PDE1C: variants seen among roughly 807,000 people sequenced by gnomAD.
The protein encoded by PDE1C is phosphodiesterase 1C.
Under a neutral mutation model 93.1 loss-of-function variants are expected in PDE1C, and 62 were observed. The observed-to-expected ratio is 0.67, with a 90% CI of 0.54 to 0.82. The LOEUF (loss-of-function observed/expected upper bound fraction) is 0.82. Ranked by LOEUF, PDE1C falls within the 40% of genes least tolerant of loss-of-function variation. PDE1C has a pLI of 0.00. For missense variants in PDE1C, 742 were observed against 884.6 expected, an observed-to-expected ratio of 0.84 and a Z score of 2.04; for synonymous variants, 325 against 310.1, an observed-to-expected ratio of 1.05 and a Z score of -0.50.
chr7:32,299,321 A>T, exon 1 of PDE1C: 1 of 985,732 alleles, frequency 1.0e-6, no homozygotes, highest in African/African-American at 1.7e-5. Context: ...TACTCCAAAC[A>T]AGGAAGTCGG....
chr7:31,629,302 T>C, the PDE1C span, among the ~76,000 whole-genome samples: 2 of 152,202 alleles, frequency 1.3e-5, no homozygotes, highest in African/African-American at 4.8e-5. Flanking sequence ...TATAGATTCA[T>C]ATAAATGTTC....
the PDE1C span, among the ~76,000 whole-genome samples, chr7:31,711,811 G>A: frequency 3.9e-5 from 6 of 152,188 alleles, no homozygotes; most frequent in South Asian, 1.2e-3. Context: ...GAGCAAGTGG[G>A]AGCCCTCCTG....
At chr7:32,400,463 T>C (rs991393223) in intron 1 of PDE1C, among the ~76,000 whole-genome samples, 1 of 152,218 alleles carries the variant, frequency 6.6e-6, no homozygotes, top group Non-Finnish European at 1.5e-5. Flanking sequence ...CGGAAAATAC[T>C]GCAGGCTAGA....
intron 1 of PDE1C, among the ~76,000 whole-genome samples, chr7:32,314,052 T>A (rs895967678): frequency 6.6e-6 from 1 of 151,648 alleles, no homozygotes; most frequent in African/African-American, 2.4e-5. Flanking sequence ...AAATGAGAAA[T>A]GAAAAAAATA....
intron 1 of PDE1C, among the ~76,000 whole-genome samples, chr7:32,293,035 G>T (rs775173417): frequency 5.9e-5 from 9 of 152,114 alleles, no homozygotes; most frequent in Non-Finnish European, 1.3e-4. Flanking sequence ...ACAAACCCTG[G>T]GGATCACACC....
chr7:32,426,292 G>C (rs1327881445), intron 1 of PDE1C, among the ~76,000 whole-genome samples: 1 of 114,650 alleles, frequency 8.7e-6, no homozygotes, highest in African/African-American at 3.4e-5. Flanking sequence ...TTTTTTTTTT[G>C]AGATAGGGTC....
intron 2 of PDE1C, among the ~76,000 whole-genome samples, chr7:31,962,607 G>C (rs1039691570): frequency 2.0e-5 from 3 of 152,210 alleles, no homozygotes; most frequent in Non-Finnish European, 4.4e-5. Context: ...AAAATCTAGA[G>C]AAGGCTTCAG....
the PDE1C span, among the ~76,000 whole-genome samples, chr7:31,742,763 A>G: frequency 1.3e-5 from 2 of 152,172 alleles, no homozygotes; most frequent in Non-Finnish European, 2.9e-5. Context: ...TTCTAGTTCT[A>G]TTTTGAACCT....
chr7:32,152,542 A>C (rs1157437144), intron 3 of PDE1C, among the ~76,000 whole-genome samples: 2 of 152,200 alleles, frequency 1.3e-5, no homozygotes, highest in African/African-American at 4.8e-5. Flanking sequence ...TTGCTGGAAG[A>C]AGCCCCATGA....
intron 3 of PDE1C, among the ~76,000 whole-genome samples, chr7:32,097,178 G>A (rs1797799213): frequency 1.3e-5 from 2 of 152,200 alleles, no homozygotes; most frequent in Non-Finnish European, 2.9e-5. Flanking sequence ...AGGGCAATCT[G>A]TATTACTCAG....
the PDE1C span, among the ~76,000 whole-genome samples, chr7:31,627,186 T>C: frequency 9.2e-5 from 14 of 152,346 alleles, no homozygotes; most frequent in African/African-American, 3.1e-4. Flanking sequence ...CCGTTGTCCA[T>C]GCAGTGCCTG....
Position 32,298,907 on chromosome 7 carries a change from G to T in PDE1C, c.-172C>A, listed in dbSNP as rs999747590. ...GCTGAGCGCCTGGAGACAACAGCGGGGACCCAATGTCAACAGCTAAAGCGC... is the reference window on the plus strand; with the variant it reads ...GCTGAGCGCCTGGAGACAACAGCGGTGACCCAATGTCAACAGCTAAAGCGC... On this transcript the variant is annotated 5_prime_UTR_variant, in exon 1 of 19. Coordinates refer to the PDE1C transcript ENST00000396193. The T allele has an allele frequency of 3.7e-6, 5 of 1,361,392 alleles. No individual in the cohort carries two copies. The Admixed American group carries it at 1.9e-4, about 52-fold the overall frequency. The allele number at this position is 1,361,392 out of a possible 1,614,324, so 84.3% of individuals were successfully genotyped here.
upstream of PDE1C, among the ~76,000 whole-genome samples, chr7:32,301,640 A>C (rs1585097159): frequency 6.6e-6 from 1 of 152,236 alleles, no homozygotes; most frequent in East Asian, 1.9e-4. Context: ...TTCTCACACC[A>C]AACCAAGTGA....
chr7:32,118,421 G>A (rs867326171), intron 3 of PDE1C, among the ~76,000 whole-genome samples: 38 of 152,118 alleles, frequency 2.5e-4, no homozygotes, highest in African/African-American at 7.2e-4. Context: ...TCCCCTAACC[G>A]TAGCTAGTGA....
upstream of PDE1C, chr7:32,070,616 A>G: frequency 1.4e-6 from 2 of 1,415,388 alleles, no homozygotes; most frequent in Non-Finnish European, 1.8e-6. Flanking sequence ...TGCGGGAACC[A>G]GCCATGGTCC....
At chr7:31,875,037 A>G (rs1796368991) in intron 5 of PDE1C, among the ~76,000 whole-genome samples, 1 of 152,194 alleles carries the variant, frequency 6.6e-6, no homozygotes. Flanking sequence ...CATCCCTTTA[A>G]TATCCCACTA....
chr7:32,225,284 C>T (rs560481101), intron 1 of PDE1C, among the ~76,000 whole-genome samples: 31 of 152,104 alleles, frequency 2.0e-4, no homozygotes, highest in African/African-American at 6.5e-4. Flanking sequence ...TTTTTCTTTT[C>T]GTCTCCCTTT....
At chr7:32,401,823 G>C (rs1784948611) in intron 1 of PDE1C, among the ~76,000 whole-genome samples, 1 of 152,220 alleles carries the variant, frequency 6.6e-6, no homozygotes, top group African/African-American at 2.4e-5. Context: ...CTACGTCAGA[G>C]AGTCTGCAGT....
intron 9 of PDE1C, among the ~76,000 whole-genome samples, chr7:31,843,273 T>C (rs1792147528): frequency 6.6e-6 from 1 of 151,932 alleles, no homozygotes; most frequent in Admixed American, 6.6e-5. Context: ...GTCCAGTTTG[T>C]CTATCAACTG....
Sources: allele counts gnomAD v4.1 joint callset (sites outside exome capture counted in the v4.1 genomes callset), GRCh38; gene constraint gnomAD v4.1.1; transcripts MANE v1.5; gene names NCBI Gene and HGNC (gene_info 2026-07-23, HGNC 2026-07-21).